The following ARHGEF26 variants were observed in gnomAD, a reference collection of about 807,000 sequenced individuals.
ARHGEF26 encodes Rho guanine nucleotide exchange factor 26.
Under a neutral mutation model 89.4 loss-of-function variants are expected in ARHGEF26, and 59 were observed. That is an observed-to-expected ratio of 0.66 (90% confidence interval 0.54 to 0.82). The LOEUF is 0.82. Ranked by LOEUF, ARHGEF26 falls within the 40% of genes least tolerant of loss-of-function variation. ARHGEF26 has a pLI of 0.00. For synonymous variants in ARHGEF26, 500 were observed against 428.4 expected, an observed-to-expected ratio of 1.17 and a Z score of -2.06; for missense variants, 1,234 against 1,085.6, an observed-to-expected ratio of 1.14 and a Z score of -1.92.
intron 6 of ARHGEF26, among the ~76,000 whole-genome samples, chr3:154,156,370 A>G (rs1282009243): frequency 6.6e-6 from 1 of 152,002 alleles, no homozygotes. Context: ...TATTTTGAAC[A>G]TTTTTGTCTA....
intron 10 of ARHGEF26, among the ~76,000 whole-genome samples, chr3:154,222,211 A>T (rs182566166): frequency 6.6e-6 from 1 of 152,282 alleles, no homozygotes; most frequent in Admixed American, 6.5e-5. Context: ...TATTTTTCTA[A>T]TTTGGAGGAA....
At chr3:154,121,822 A>G in intron 1 of ARHGEF26, 120 bp from the exon 2 acceptor site, 1 of 860,990 alleles carries the variant, frequency 1.2e-6, no homozygotes, top group Non-Finnish European at 1.7e-6. Context: ...AAGGGCGGGT[A>G]AGTGCGGTGC....
chr3:154,131,938 G>A (rs1002201011), intron 4 of ARHGEF26, among the ~76,000 whole-genome samples: 60 of 152,146 alleles, frequency 3.9e-4, no homozygotes, highest in Admixed American at 1.2e-3. Context: ...TGTGTCTTTT[G>A]TAAATGATAT....
intron 5 of ARHGEF26, 31 bp from the exon 6 acceptor site, chr3:154,152,741 T>G: frequency 2.1e-6 from 3 of 1,405,594 alleles, no homozygotes; most frequent in African/African-American, 2.9e-5. Flanking sequence ...TTAAAAGAAT[T>G]AATAATACAT....
At chr3:154,162,520 G>A (rs531979985) in intron 6 of ARHGEF26, among the ~76,000 whole-genome samples, 1 of 152,036 alleles carries the variant, frequency 6.6e-6, no homozygotes, top group African/African-American at 2.4e-5. Context: ...ATGTTGTTTT[G>A]CTATAATGTT....
chr3:154,180,653 C>T (rs1300356635), intron 6 of ARHGEF26, among the ~76,000 whole-genome samples: 1 of 3,792 alleles, frequency 2.6e-4, no homozygotes, highest in Non-Finnish European at 4.0e-4. Context: ...ATGAGAACTA[C>T]CAGAGCATTT....
intron 5 of ARHGEF26, among the ~76,000 whole-genome samples, chr3:154,150,861 A>G (rs1470251699): frequency 4.6e-5 from 7 of 152,212 alleles, no homozygotes; most frequent in Non-Finnish European, 7.3e-5. Flanking sequence ...CCTGCTATAT[A>G]TAACAGGTCT....
At chr3:154,133,723 C>T (rs1718826357) in intron 4 of ARHGEF26, among the ~76,000 whole-genome samples, 1 of 151,838 alleles carries the variant, frequency 6.6e-6, no homozygotes, top group African/African-American at 2.4e-5. Context: ...TAGTTTTTTT[C>T]CAGTTTGTGA....
intron 5 of ARHGEF26, among the ~76,000 whole-genome samples, chr3:154,149,854 A>G (rs1719913494): frequency 1.3e-5 from 2 of 152,030 alleles, no homozygotes; most frequent in Admixed American, 1.3e-4. Flanking sequence ...TGTAGCATAC[A>G]AGGGTCTCTG....
chr3:154,173,741 GCAGAGGTTT>G (rs1484898912), intron 6 of ARHGEF26, among the ~76,000 whole-genome samples: 1 of 152,188 alleles, frequency 6.6e-6, no homozygotes. Flanking sequence ...ACCAGAGGTT[GCAGAGGTTT>G]GCTTATTCTT....
At chr3:154,229,313 G>A (rs1050350992) in intron 11 of ARHGEF26, among the ~76,000 whole-genome samples, 3 of 152,164 alleles carry the variant, frequency 2.0e-5, no homozygotes, top group African/African-American at 7.2e-5. Flanking sequence ...CTGGGCTCAG[G>A]CAGCCCTTCC....
intron 10 of ARHGEF26, among the ~76,000 whole-genome samples, chr3:154,225,349 AT>A (rs1328544150): frequency 3.9e-5 from 6 of 152,300 alleles, no homozygotes; most frequent in African/African-American, 1.2e-4. Flanking sequence ...AGACAAAAAA[AT>A]AAGCATGTAG....
At chr3:154,134,691 A>G (rs1161931947) in intron 4 of ARHGEF26, among the ~76,000 whole-genome samples, 1 of 151,956 alleles carries the variant, frequency 6.6e-6, no homozygotes, top group Non-Finnish European at 1.5e-5. Flanking sequence ...TTGCCCATTT[A>G]GTATGATGTT....
At chr3:154,147,484 A>G (rs1472052149) in intron 4 of ARHGEF26, among the ~76,000 whole-genome samples, 2 of 152,216 alleles carry the variant, frequency 1.3e-5, no homozygotes, top group Non-Finnish European at 2.9e-5. Context: ...AGTAAGACTC[A>G]TAGGTTTTAG....
intron 4 of ARHGEF26, among the ~76,000 whole-genome samples, chr3:154,135,785 G>A (rs1004764344): frequency 6.6e-6 from 1 of 152,208 alleles, no homozygotes; most frequent in Admixed American, 6.5e-5. Context: ...TCATTCATTA[G>A]TAGGACCCCG....
intron 11 of ARHGEF26, among the ~76,000 whole-genome samples, chr3:154,238,140 CAT>C (rs1717242019): frequency 2.0e-5 from 3 of 152,146 alleles, no homozygotes; most frequent in Non-Finnish European, 2.9e-5. Flanking sequence ...TTCTAGTAAA[CAT>C]AGTCTTTTAA....
At position 154,129,660 on chromosome 3, in the gene ARHGEF26, G is replaced by A. The variant is rs752254191; in HGVS notation, c.1210G>A (p.Asp404Asn). 4 of 1,612,080 alleles carry A rather than the reference G, an allele frequency of 2.5e-6. No individual in the cohort carries two copies. The highest frequency in any genetic ancestry group is 3.4e-6 in the Non-Finnish European group (4 of 1,179,018). The part of the protein sequence containing the change: ...EESEPKEQKS[D>N]EKIVIHHKPL... ...GTCAGAGCCCAAAGAACAGAAGTCAGATGAAAAAATTGTGATTCACCATAA... is the reference window on the plus strand; with the variant it reads ...GTCAGAGCCCAAAGAACAGAAGTCAAATGAAAAAATTGTGATTCACCATAA... Residue 404 changes from aspartate to asparagine, a missense_variant, in exon 4 of 15, where the codon GAT becomes AAT. Asp to Asn is a conservative substitution (Grantham distance 23). Transcript: ENST00000465093.
chr3:154,137,951 T>G (rs1192222528), intron 4 of ARHGEF26, among the ~76,000 whole-genome samples: 2 of 152,200 alleles, frequency 1.3e-5, no homozygotes, highest in Non-Finnish European at 2.9e-5. Flanking sequence ...TTGGCAATAC[T>G]CTTCTGAAAA....
At position 154,256,705 on chromosome 3, in the gene ARHGEF26, G is replaced by A. The variant is rs1718539499; in HGVS notation, c.*1232G>A. 7.5e-7 allele frequency: 1 copy of A among 1,329,186 alleles called. No individual in the cohort carries two copies. The highest frequency in any genetic ancestry group is 9.6e-7 in the Non-Finnish European group (1 of 1,045,176). The allele number at this position is 1,329,186 out of a possible 1,614,324, so 82.3% of individuals were successfully genotyped here. A position where few individuals can be genotyped will look rare whatever the true frequency, so the allele number is the denominator to read the frequency against. On this transcript the variant is annotated 3_prime_UTR_variant, in exon 15 of 15. Coordinates refer to ENST00000465093, the MANE Select transcript of ARHGEF26 (RefSeq NM_015595.4). ...ACACACTACAGTAATCTCAAGGAAGGGAAAATTAGGCCTTAAAAGATACCA... is the reference window on the plus strand; with the variant it reads ...ACACACTACAGTAATCTCAAGGAAGAGAAAATTAGGCCTTAAAAGATACCA...
Sources: gnomAD v4.1 joint callset for allele counts (sites outside exome capture counted in the v4.1 genomes callset) on GRCh38, gnomAD v4.1.1 for gene constraint, MANE v1.5 for transcripts, NCBI Gene and HGNC (gene_info 2026-07-23, HGNC 2026-07-21) for gene names.